The following CORIN variants were observed in gnomAD, a reference collection of about 807,000 sequenced individuals.
CORIN encodes corin, serine peptidase, also known as atrial natriuretic peptide-converting enzyme.
A neutral mutation model predicts 125.3 loss-of-function variants in CORIN; 117 were observed. The ratio of observed to expected loss-of-function variants is 0.93; its 90% CI spans 0.80 to 1.09. CORIN has a LOEUF of 1.09. Among genes scored for constraint, CORIN ranks in the 50% least tolerant of loss-of-function variants. The pLI is 0.00. For synonymous variants in CORIN, 450 were observed against 466.4 expected (o/e 0.96, Z 0.45); for missense variants, 1,253 against 1,306.7 (o/e 0.96, Z 0.63).
chr4:47,601,141 C>T (rs971440451), intron 20 of CORIN, among the ~76,000 whole-genome samples: 1 of 152,130 alleles, frequency 6.6e-6, no homozygotes, highest in East Asian at 1.9e-4. Flanking sequence ...GGATGTTTCA[C>T]AGGTTGTCAA....
chr4:47,810,257 G>A (rs1488333743), intron 1 of CORIN, among the ~76,000 whole-genome samples: 2 of 151,896 alleles, frequency 1.3e-5, no homozygotes, highest in Non-Finnish European at 2.9e-5. Flanking sequence ...GCATGATCTC[G>A]GCTCATTGCA....
chr4:47,794,674 T>C (rs941701397), intron 2 of CORIN, among the ~76,000 whole-genome samples: 2 of 152,132 alleles, frequency 1.3e-5, no homozygotes, highest in African/African-American at 4.8e-5. Flanking sequence ...GGTGAATAAA[T>C]TGAGATGAAG....
At chr4:47,799,406 C>T (rs1731437143) in intron 2 of CORIN, among the ~76,000 whole-genome samples, 1 of 151,860 alleles carries the variant, frequency 6.6e-6, no homozygotes, top group Non-Finnish European at 1.5e-5. Context: ...AACAGCATAC[C>T]TTTTCTCAAC....
chr4:47,631,294 T>G (rs773064603), intron 16 of CORIN, among the ~76,000 whole-genome samples: 5 of 151,996 alleles, frequency 3.3e-5, no homozygotes, highest in Non-Finnish European at 7.4e-5. Flanking sequence ...AGGAGGTGAG[T>G]GCGGGGCAAG....
chr4:47,642,106 C>T lies in CORIN; in HGVS notation c.2069-57G>A, dbSNP rs1407193423. The T allele has an allele frequency of 1.3e-5, 20 of 1,572,120 alleles. No individual in the cohort carries two copies. In the Admixed American group the frequency reaches 3.2e-4, roughly 25 times the overall value. ...TTAAAAACATTTCTTCCCATGAAAG[C>T]ACATAACTTTACATGCCTCTGCTTC... On this transcript the variant is annotated intron_variant, in intron 15 of 21. Transcript: ENST00000273857.
chr4:47,725,732 A>C (rs544420002), intron 5 of CORIN, among the ~76,000 whole-genome samples: 2 of 152,268 alleles, frequency 1.3e-5, no homozygotes, highest in South Asian at 4.1e-4. Flanking sequence ...ATGATACAAA[A>C]GTATGTTGCA....
chr4:47,595,575 A>T lies in CORIN; in HGVS notation c.*146T>A, dbSNP rs1721219256. On this transcript the variant is annotated 3_prime_UTR_variant, in exon 22 of 22. Coordinates refer to ENST00000273857, the MANE Select transcript of CORIN (RefSeq NM_006587.4). ...AATAAATTGAAAAAAATTAGTCCAA[A>T]ACAAACATGCAAATTTGCAGTGCAC... The T allele has an allele frequency of 1.9e-6, 1 of 518,658 alleles. No homozygotes were observed. Among genetic ancestry groups the T allele is most frequent in the Admixed American group, 3.2e-5 (1 of 31,558 alleles). 32.1% of individuals were successfully genotyped at this position (518,658 alleles called of 1,614,324 possible).
intron 5 of CORIN, among the ~76,000 whole-genome samples, chr4:47,728,860 T>A (rs1225616854): frequency 6.6e-6 from 1 of 152,186 alleles, no homozygotes; most frequent in Non-Finnish European, 1.5e-5. Context: ...GCTATCAACC[T>A]GTAAGCCAAG....
intron 3 of CORIN, among the ~76,000 whole-genome samples, chr4:47,769,786 A>C (rs1168203662): frequency 6.6e-6 from 1 of 152,136 alleles, no homozygotes; most frequent in African/African-American, 2.4e-5. Context: ...TCTTCAATAA[A>C]TAGTGTTGAA....
At chr4:47,795,767 A>T (rs1226159037) in intron 2 of CORIN, among the ~76,000 whole-genome samples, 2 of 152,098 alleles carry the variant, frequency 1.3e-5, no homozygotes, top group Non-Finnish European at 2.9e-5. Flanking sequence ...AGCAAAAAAA[A>T]AGGTAACCTG....
At chr4:47,698,556 C>A (rs1726142335) in intron 5 of CORIN, among the ~76,000 whole-genome samples, 1 of 151,982 alleles carries the variant, frequency 6.6e-6, no homozygotes, top group Non-Finnish European at 1.5e-5. Flanking sequence ...GACTTTGTAA[C>A]TTTAACACAA....
At chr4:47,637,624 T>C (rs1163696579) in intron 16 of CORIN, among the ~76,000 whole-genome samples, 1 of 152,220 alleles carries the variant, frequency 6.6e-6, no homozygotes, top group African/African-American at 2.4e-5. Flanking sequence ...CATTGGCAGC[T>C]TCCACATGGT....
chr4:47,832,448 T>C (rs1240424400), intron 1 of CORIN, among the ~76,000 whole-genome samples: 1 of 144,882 alleles, frequency 6.9e-6, no homozygotes, highest in African/African-American at 2.5e-5. Context: ...TTCTTTTCTT[T>C]TTTTTTTTTT....
chr4:47,771,048 T>A (rs559667956), intron 3 of CORIN, among the ~76,000 whole-genome samples: 1 of 152,248 alleles, frequency 6.6e-6, no homozygotes, highest in East Asian at 1.9e-4. Flanking sequence ...CCCCCCAAAA[T>A]TATTTGAGGT....
chr4:47,773,905 A>T (rs1730173536), intron 3 of CORIN, among the ~76,000 whole-genome samples: 1 of 151,734 alleles, frequency 6.6e-6, no homozygotes, highest in Non-Finnish European at 1.5e-5. Flanking sequence ...TAAAAGATAA[A>T]AGGTATATTT....
chr4:47,630,555 A>G (rs747082478), intron 16 of CORIN, among the ~76,000 whole-genome samples: 1 of 152,218 alleles, frequency 6.6e-6, no homozygotes, highest in Non-Finnish European at 1.5e-5. Flanking sequence ...CTATGGATTC[A>G]TACACGGAGA....
intron 5 of CORIN, among the ~76,000 whole-genome samples, chr4:47,705,948 A>T (rs1215097636): frequency 1.3e-5 from 2 of 152,264 alleles, no homozygotes; most frequent in African/African-American, 4.8e-5. Context: ...TGCATTTTAC[A>T]TGCCAACACA....
intron 10 of CORIN, 93 bp downstream of exon 10, chr4:47,674,300 T>C (rs987684434): frequency 1.1e-6 from 1 of 905,536 alleles, no homozygotes; most frequent in African/African-American, 1.7e-5. Flanking sequence ...TTTGGAGGGA[T>C]TCCAGACTTC....
In CORIN at chr4:47,623,117, T is replaced by TATATATATATATATATACACAC. The variant is rs141525347; in HGVS notation, c.2540+453_2540+454insGTGTGTATATATATATATATAT. Reference sequence around the variant, plus strand: ...CTCTCTATATATATATATATATATATACACACACACACACACTCTCTCTGA... The same window carrying TATATATATATATATATACACAC: ...CTCTCTATATATATATATATATATATATATATATATATATATACACACACACACACACACACACTCTCTCTGA... On this transcript the variant is annotated intron_variant, in intron 19 of 21. Coordinates refer to ENST00000273857, the MANE Select transcript of CORIN (RefSeq NM_006587.4). Among the ~76,000 whole-genome samples the TATATATATATATATATACACAC allele has an allele frequency of 1.8e-3, 242 of 134,254 alleles. 2 individuals are homozygous for TATATATATATATATATACACAC. The highest frequency in any genetic ancestry group is 4.5e-3 in the African/African-American group (145 of 32,302). 88.1% of individuals were successfully genotyped at this position (134,254 alleles called of 152,430 possible).
Sources: allele counts gnomAD v4.1 joint callset (sites outside exome capture counted in the v4.1 genomes callset), GRCh38; gene constraint gnomAD v4.1.1; transcripts MANE v1.5; gene names NCBI Gene and HGNC (gene_info 2026-07-23, HGNC 2026-07-21).